SERINC5: variants seen among roughly 807,000 people sequenced by gnomAD.
The protein encoded by SERINC5 is serine incorporator 5.
SERINC5 carries 41 observed loss-of-function variants against 63.1 expected under a neutral mutation model. The observed-to-expected ratio is 0.65, with a 90% CI of 0.51 to 0.84. The LOEUF (loss-of-function observed/expected upper bound fraction) is 0.84, where lower values mean the gene tolerates loss of function less well. Among genes scored for constraint, SERINC5 ranks in the 40% least tolerant of loss-of-function variants. The pLI is 0.00. For synonymous variants in SERINC5, 222 were observed against 215.2 expected, an observed-to-expected ratio of 1.03 and a Z score of -0.28; for missense variants, 523 against 573.0, an observed-to-expected ratio of 0.91 and a Z score of 0.89.
intron 1 of SERINC5, among the ~76,000 whole-genome samples, chr5:80,220,594 G>A (rs1381792242): frequency 6.6e-6 from 1 of 152,186 alleles, no homozygotes; most frequent in Non-Finnish European, 1.5e-5. Context: ...TCCCCTGCAA[G>A]GAAATCCAAG....
intron 2 of SERINC5, among the ~76,000 whole-genome samples, chr5:80,185,269 T>C (rs1351574976): frequency 1.3e-5 from 2 of 152,094 alleles, no homozygotes; most frequent in Non-Finnish European, 2.9e-5. Flanking sequence ...CAAGTAAGAA[T>C]AAACAGCTCA....
intron 1 of SERINC5, among the ~76,000 whole-genome samples, chr5:80,208,044 T>C (rs1300002829): frequency 6.6e-6 from 1 of 152,204 alleles, no homozygotes; most frequent in East Asian, 1.9e-4. Flanking sequence ...AATTCCTGGC[T>C]GGAACTACTG....
chr5:80,178,065 C>T lies in SERINC5; in HGVS notation c.196-1G>A. ...TACACATATCTTCAAAAAAAGGAAT[C>T]TGAGGAGAAAGTTTAGAAAAGTCAT... is the stretch of plus-strand genomic sequence containing the variant. On this transcript the variant is annotated splice_acceptor_variant, in intron 2 of 11. Transcript: ENST00000507668. LOFTEE classifies it high-confidence loss of function. The T allele has an allele frequency of 1.3e-6, 2 of 1,591,578 alleles. No individual in the cohort carries two copies. Among genetic ancestry groups the T allele is most frequent in the Non-Finnish European group, 1.7e-6 (2 of 1,171,092 alleles).
intron 1 of SERINC5, among the ~76,000 whole-genome samples, chr5:80,255,407 A>C (rs1317633579): frequency 6.6e-6 from 1 of 152,104 alleles, no homozygotes; most frequent in Non-Finnish European, 1.5e-5. Flanking sequence ...TCAAAGGTAC[A>C]GAGCCCACGC....
chr5:80,132,212 CAA>C (rs893676736), intron 11 of SERINC5, among the ~76,000 whole-genome samples: 47 of 152,078 alleles, frequency 3.1e-4, no homozygotes, highest in African/African-American at 8.2e-4. Flanking sequence ...TTACTGATGA[CAA>C]AAGAGACAAA....
intron 2 of SERINC5, among the ~76,000 whole-genome samples, chr5:80,188,485 AGTG>A (rs1194950940): frequency 9.2e-5 from 14 of 152,012 alleles, no homozygotes; most frequent in African/African-American, 3.1e-4. Context: ...CCCAGGTGTG[AGTG>A]GATCTTTCTA....
In SERINC5 at chr5:80,140,305, CAAAAAAAAAAAAAAAA is replaced by C. The variant is rs55718546; in HGVS notation, c.*3342_*3357del. The C allele has an allele frequency of 1.5e-5, 7 of 478,226 alleles. No homozygotes were observed. Among genetic ancestry groups the C allele is most frequent in the South Asian group, 1.1e-4 (1 of 9,120 alleles). 29.6% of individuals were successfully genotyped at this position (478,226 alleles called of 1,614,324 possible). ...GTGGCTGACAGAGTGAGCCCGTCTC[CAAAAAAAAAAAAAAAA>C]AAAAAAAAAAAGGCTTAGGGTGACA... On this transcript the variant is annotated 3_prime_UTR_variant, in exon 12 of 12. Transcript: ENST00000507668.
chr5:80,115,354 G>GA lies in SERINC5; in HGVS notation c.1239-1730dup, dbSNP rs559175111. Among the ~76,000 whole-genome samples, 91 of 152,052 alleles carry GA rather than the reference G, an allele frequency of 6.0e-4. 1 individual carries two copies. The highest frequency in any genetic ancestry group is 2.1e-3 in the African/African-American group (87 of 41,372). On this transcript the variant is annotated intron_variant, in intron 11 of 12. Transcript: ENST00000509193. ...TATCATCCAAGGTTGTCTCTCCAAT[G>GA]ACCTTAGCAGGTTCAGAATAACCCT...
At chr5:80,122,319 G>A (rs1164103723) in intron 11 of SERINC5, among the ~76,000 whole-genome samples, 1 of 151,744 alleles carries the variant, frequency 6.6e-6, no homozygotes, top group Admixed American at 6.6e-5. Flanking sequence ...CATCCAGCAC[G>A]GGAGAAAGAT....
intron 11 of SERINC5, among the ~76,000 whole-genome samples, chr5:80,122,000 C>T (rs1025950225): frequency 1.3e-5 from 2 of 151,990 alleles, no homozygotes; most frequent in Admixed American, 1.3e-4. Context: ...GACACACATC[C>T]AAACCATATC....
chr5:80,145,094 A>G (rs1003306793), intron 11 of SERINC5, among the ~76,000 whole-genome samples: 7 of 151,990 alleles, frequency 4.6e-5, no homozygotes, highest in African/African-American at 1.7e-4. Flanking sequence ...TAATCTCAGC[A>G]CTTTGGGAGG....
rs909353355 is a variant in SERINC5, at chr5:80,178,519, T to C, written c.196-455A>G. On this transcript the variant is annotated intron_variant, in intron 2 of 11. Transcript: ENST00000507668. ...CTGGGACTACAGGCACGCACCACCA[T>C]GCCCAGCTAATTTTTGTATTTTTTT... Among the ~76,000 whole-genome samples the C allele has an allele frequency of 2.1e-3, 298 of 144,454 alleles. 3 individuals are homozygous for C. Among genetic ancestry groups the C allele is most frequent in the African/African-American group, 7.1e-3 (281 of 39,464 alleles). The allele number at this position is 144,454 out of a possible 152,430, so 94.8% of individuals were successfully genotyped here.
intron 1 of SERINC5, among the ~76,000 whole-genome samples, chr5:80,252,927 C>T (rs146953439): frequency 1.3e-3 from 199 of 152,276 alleles, no homozygotes; most frequent in Admixed American, 2.9e-3. Context: ...TGTCTCTCTC[C>T]GACCTCAAAC....
intron 8 of SERINC5, among the ~76,000 whole-genome samples, chr5:80,156,110 G>T (rs1746503397): frequency 6.6e-6 from 1 of 152,114 alleles, no homozygotes; most frequent in South Asian, 2.1e-4. Flanking sequence ...TTACAAGAGT[G>T]GACCCCAGGC....
chr5:80,255,881 C>T lies in SERINC5; in HGVS notation c.27+15G>A, dbSNP rs761597166. The stretch of plus-strand genomic sequence containing the variant: ...CCGATCTGACAACCCCCGCGCTGCG[C>T]CCGGCCTCGCTCACCTGGCCCGCAC... On this transcript the variant is annotated intron_variant, in intron 1 of 11. Coordinates refer to ENST00000507668, the MANE Select transcript of SERINC5 (RefSeq NM_001174072.3). 8.2e-6 allele frequency: 13 copies of T among 1,589,898 alleles called. No individual in the cohort carries two copies. The highest frequency in any genetic ancestry group is 1.1e-5 in the Non-Finnish European group (13 of 1,172,696).
At chr5:80,208,170 T>C (rs2112505415) in intron 1 of SERINC5, among the ~76,000 whole-genome samples, 1 of 152,174 alleles carries the variant, frequency 6.6e-6, no homozygotes, top group South Asian at 2.1e-4. Context: ...ATATAGAATA[T>C]ACAACGCCAA....
At position 80,175,061 on chromosome 5, in the gene SERINC5, TGAA is replaced by T; in HGVS notation, c.458-17_458-15del. The stretch of plus-strand genomic sequence containing the variant: ...CATAGCGCCAGGCTGCAAAAGACCA[TGAA>T]GAACACAATGAGGCAACCTTTCGTT... On this transcript the variant is annotated splice_polypyrimidine_tract_variant and intron_variant, in intron 4 of 11. Transcript: ENST00000507668. 3 of 1,556,524 alleles carry T rather than the reference TGAA, an allele frequency of 1.9e-6. No individual in the cohort carries two copies. The highest frequency in any genetic ancestry group is 2.6e-6 in the Non-Finnish European group (3 of 1,147,544).
chr5:80,222,297 A>G (rs1418551906), intron 1 of SERINC5, among the ~76,000 whole-genome samples: 1 of 152,084 alleles, frequency 6.6e-6, no homozygotes, highest in Non-Finnish European at 1.5e-5. Flanking sequence ...CCACTTTGCA[A>G]CTGTGGATGG....
chr5:80,141,887 C>CT lies in SERINC5; in HGVS notation c.*1775dup, dbSNP rs1447453445. ...CTTTTGAAACTGAATCTCAAACACT[C>CT]TAAGTAGGGAAAGTTCTAAAGGAAT... On this transcript the variant is annotated 3_prime_UTR_variant, in exon 12 of 12. Transcript: ENST00000507668. 4.1e-6 allele frequency: 4 copies of CT among 985,324 alleles called. No individual in the cohort carries two copies. In the African/African-American group the frequency reaches 5.2e-5, roughly 13 times the overall value. 61.0% of individuals were successfully genotyped at this position (985,324 alleles called of 1,614,324 possible). A position where few individuals can be genotyped will look rare whatever the true frequency, so the allele number is the denominator to read the frequency against.
Sources: gnomAD v4.1 joint callset for allele counts (sites outside exome capture counted in the v4.1 genomes callset) on GRCh38, gnomAD v4.1.1 for gene constraint, MANE v1.5 for transcripts, NCBI Gene and HGNC (gene_info 2026-07-23, HGNC 2026-07-21) for gene names.